The following ZUP1 variants were observed in gnomAD, a reference collection of about 807,000 sequenced individuals.
The protein encoded by ZUP1 is zinc finger-containing ubiquitin peptidase 1.
ZUP1 carries 55 observed loss-of-function variants against 68.1 expected under a neutral mutation model. The observed-to-expected ratio is 0.81, with a 90% confidence interval of 0.65 to 1.01. ZUP1 has a LOEUF of 1.01. Among genes scored for constraint, ZUP1 ranks in the 50% least tolerant of loss-of-function variants. The pLI is 0.00. For synonymous variants in ZUP1, 223 were observed against 221.5 expected, an observed-to-expected ratio of 1.01 and a Z score of -0.06; for missense variants, 684 against 674.9, an observed-to-expected ratio of 1.01 and a Z score of -0.15.
At chr6:116,640,112 A>G (rs1776045743) in intron 9 of ZUP1, among the ~76,000 whole-genome samples, 1 of 152,144 alleles carries the variant, frequency 6.6e-6, no homozygotes, top group African/African-American at 2.4e-5. Flanking sequence ...AATGAATGAA[A>G]TGAAGCGAGA....
At chr6:116,643,928 C>G (rs1030331408) in intron 9 of ZUP1, among the ~76,000 whole-genome samples, 4 of 152,122 alleles carry the variant, frequency 2.6e-5, no homozygotes, top group Non-Finnish European at 5.9e-5. Flanking sequence ...AAAATTTTCA[C>G]AACCTACTCA....
At chr6:116,641,505 C>T (rs1286734201) in intron 9 of ZUP1, among the ~76,000 whole-genome samples, 1 of 151,956 alleles carries the variant, frequency 6.6e-6, no homozygotes, top group Admixed American at 6.6e-5. Context: ...GACCACAGTG[C>T]AAGCAAACTA....
intron 3 of ZUP1, among the ~76,000 whole-genome samples, chr6:116,659,171 C>A (rs1262742083): frequency 1.3e-5 from 2 of 152,084 alleles, no homozygotes; most frequent in African/African-American, 4.8e-5. Flanking sequence ...CTCTTATTGC[C>A]CAGGCTGGAG....
Position 116,666,153 on chromosome 6 carries a change from T to C in ZUP1, c.559+481A>G, listed in dbSNP as rs548384577. Reference sequence around the variant, plus strand: ...AGGATCTAGTGACATACATATAACATTCCACCCAACAAAGCAGAATACACT... The same window carrying C: ...AGGATCTAGTGACATACATATAACACTCCACCCAACAAAGCAGAATACACT... On this transcript the variant is annotated intron_variant, in intron 2 of 9. Coordinates refer to ENST00000368576, the MANE Select transcript of ZUP1 (RefSeq NM_145062.3). Among the ~76,000 whole-genome samples, 6 of 152,250 alleles carry C rather than the reference T, an allele frequency of 3.9e-5. No individual in the cohort carries two copies. In the East Asian group the frequency reaches 9.6e-4, roughly 24 times the overall value.
rs377017997 is a variant in ZUP1 at position 116,647,622 on chromosome 6, T to C, written c.1317-12A>G. The C allele has an allele frequency of 4.0e-6, 6 of 1,500,264 alleles. No individual in the cohort carries two copies. The highest frequency in any genetic ancestry group is 1.9e-5 in the Admixed American group (1 of 51,958). 92.9% of individuals were successfully genotyped at this position (1,500,264 alleles called of 1,614,324 possible). ...CAACAATATGACACCTATTAAAAAT[T>C]GACAAAATGCACATTTAAAGGGCAT... On this transcript the variant is annotated splice_polypyrimidine_tract_variant and intron_variant, in intron 7 of 9. Coordinates refer to ENST00000368576, the MANE Select transcript of ZUP1 (RefSeq NM_145062.3).
In ZUP1 at chr6:116,668,610, C is replaced by T. The variant is rs1021290092; in HGVS notation, c.-60G>A. On this transcript the variant is annotated 5_prime_UTR_variant, in exon 1 of 10. Coordinates refer to ENST00000368576, the MANE Select transcript of ZUP1 (RefSeq NM_145062.3). ...TGCCACACTGAGCTCCGCTAGGCTTCCCCTTTGGGCCTCGCTGGCAGACGA... is the reference window on the plus strand; with the variant it reads ...TGCCACACTGAGCTCCGCTAGGCTTTCCCTTTGGGCCTCGCTGGCAGACGA... 1 of 152,520 alleles carries T rather than the reference C, an allele frequency of 6.6e-6. No individual in the cohort carries two copies. Among genetic ancestry groups the T allele is most frequent in the Non-Finnish European group, 1.5e-5 (1 of 68,300 alleles). 9.4% of individuals were successfully genotyped at this position (152,520 alleles called of 1,614,324 possible).
intron 9 of ZUP1, among the ~76,000 whole-genome samples, chr6:116,636,808 CAATTTAAAA>C (rs1420035554): frequency 6.6e-6 from 1 of 151,878 alleles, no homozygotes; most frequent in Non-Finnish European, 1.5e-5. Context: ...TTTAATCCTA[CAATTTAAAA>C]AATTGTAGTT....
intron 2 of ZUP1, among the ~76,000 whole-genome samples, chr6:116,665,306 A>T (rs1776965619): frequency 6.6e-6 from 1 of 152,178 alleles, no homozygotes; most frequent in African/African-American, 2.4e-5. Context: ...CCTTTTACAT[A>T]GAGTAATTCA....
intron 1 of ZUP1, among the ~76,000 whole-genome samples, chr6:116,667,728 T>C (rs1319690298): frequency 6.6e-6 from 1 of 152,118 alleles, no homozygotes; most frequent in Non-Finnish European, 1.5e-5. Flanking sequence ...AAAGAAATTC[T>C]GGCTCAGACA....
At chr6:116,663,023 C>T (rs532460345) in intron 2 of ZUP1, among the ~76,000 whole-genome samples, 1 of 152,048 alleles carries the variant, frequency 6.6e-6, no homozygotes, top group Non-Finnish European at 1.5e-5. Flanking sequence ...TAGTTCTATG[C>T]CTTCATTTCC....
intron 5 of ZUP1, among the ~76,000 whole-genome samples, chr6:116,656,203 C>CCTAG (rs1392125354): frequency 6.6e-5 from 10 of 152,258 alleles, no homozygotes; most frequent in African/African-American, 2.4e-4. Flanking sequence ...CCTCAGCCTC[C>CCTAG]CTAGTAGCTG....
chr6:116,666,409 G>C (rs901492400), intron 2 of ZUP1, among the ~76,000 whole-genome samples: 1 of 152,142 alleles, frequency 6.6e-6, no homozygotes, highest in African/African-American at 2.4e-5. Context: ...TAGACAGAAA[G>C]TTCCAAAACT....
In ZUP1 at chr6:116,658,903, G is replaced by C. The variant is rs1776750610; in HGVS notation, c.692C>G (p.Ser231Cys). The C allele has an allele frequency of 1.2e-6, 2 of 1,611,736 alleles. No homozygotes were observed. The highest frequency in any genetic ancestry group is 1.7e-5 in the Admixed American group (1 of 59,878). The change falls in exon 4 of 10, where the codon TCT (serine) becomes TGT (cysteine). Residue 231 changes from serine (S) to cysteine (C), a missense_variant. Ser to Cys is a moderately radical substitution (Grantham distance 112). Coordinates refer to ENST00000368576, the MANE Select transcript of ZUP1 (RefSeq NM_145062.3). ...CTGGTGAGCCAATTGTAGATCACCA[G>C]AACACTGGACTCTATCCATGCCTGT... ...FQQGMDRVQC[S>C]GDLQLAHQLQ...
At chr6:116,647,885 A>G (rs569981486) in intron 7 of ZUP1, among the ~76,000 whole-genome samples, 1 of 152,330 alleles carries the variant, frequency 6.6e-6, no homozygotes, top group East Asian at 1.9e-4. Context: ...CTGCTGACTA[A>G]CCTAAAGGTT....
chr6:116,635,618 C>A lies in ZUP1; in HGVS notation c.*214G>T. 2 of 417,536 alleles carry A rather than the reference C, an allele frequency of 4.8e-6. No homozygotes were observed. Among genetic ancestry groups the A allele is most frequent in the Non-Finnish European group, 8.3e-6 (2 of 241,366 alleles). The allele number at this position is 417,536 out of a possible 1,614,324, so 25.9% of individuals were successfully genotyped here. ...AAACATAGATAAGAAAAACAAAATCCACAATGCAAAAACAAGACATTTTAT... is the reference window on the plus strand; with the variant it reads ...AAACATAGATAAGAAAAACAAAATCAACAATGCAAAAACAAGACATTTTAT... On this transcript the variant is annotated 3_prime_UTR_variant, in exon 10 of 10. Coordinates refer to ENST00000368576, the MANE Select transcript of ZUP1 (RefSeq NM_145062.3).
chr6:116,650,436 A>C (rs993219911), intron 7 of ZUP1, among the ~76,000 whole-genome samples: 1 of 151,564 alleles, frequency 6.6e-6, no homozygotes, highest in Non-Finnish European at 1.5e-5. Flanking sequence ...AAAAAAAAAA[A>C]AAAAAAAAAG....
chr6:116,637,231 T>G (rs1235186372), intron 9 of ZUP1, among the ~76,000 whole-genome samples: 1 of 152,198 alleles, frequency 6.6e-6, no homozygotes, highest in Admixed American at 6.5e-5. Context: ...TTAGCAGTTG[T>G]GCTACCTTAG....
intron 9 of ZUP1, among the ~76,000 whole-genome samples, chr6:116,644,565 C>T (rs1276333081): frequency 6.6e-6 from 1 of 151,866 alleles, no homozygotes; most frequent in Non-Finnish European, 1.5e-5. Context: ...TGGAAATCAT[C>T]ATTCTCAGTA....
At chr6:116,645,073 TTTA>T (rs1271976488) in intron 9 of ZUP1, among the ~76,000 whole-genome samples, 1 of 152,032 alleles carries the variant, frequency 6.6e-6, no homozygotes, top group African/African-American at 2.4e-5. Context: ...TTTTGAAAGC[TTTA>T]TTAAGTTTTA....
Sources: gnomAD v4.1 joint callset for allele counts (sites outside exome capture counted in the v4.1 genomes callset) on GRCh38, gnomAD v4.1.1 for gene constraint, MANE v1.5 for transcripts, NCBI Gene and HGNC (gene_info 2026-07-23, HGNC 2026-07-21) for gene names.